The following GALNT5 variants were observed in gnomAD, a reference collection of about 807,000 sequenced individuals.
GALNT5 encodes the protein UDP-GalNAc:polypeptide N-acetylgalactosaminyltransferase 5.
A neutral mutation model predicts 85.4 loss-of-function variants in GALNT5; 72 were observed. The observed-to-expected ratio is 0.84, with a 90% confidence interval of 0.70 to 1.03. The LOEUF (loss-of-function observed/expected upper bound fraction) is 1.03. Ranked by LOEUF, GALNT5 falls within the 50% of genes least tolerant of loss-of-function variation. The pLI, the probability that GALNT5 is intolerant of heterozygous loss-of-function variation, is 0.00. For missense variants in GALNT5, 1,137 were observed against 1,135.5 expected (o/e 1.00, Z -0.02); for synonymous variants, 404 against 397.0 (o/e 1.02, Z -0.21).
At chr2:157,282,234 TTAA>T (rs1682871713) in intron 1 of GALNT5, among the ~76,000 whole-genome samples, 1 of 152,190 alleles carries the variant, frequency 6.6e-6, no homozygotes, top group South Asian at 2.1e-4. Context: ...TTTATTTTTT[TTAA>T]TATTAGCCTC....
At position 157,318,264 on chromosome 2, in the gene GALNT5, G is replaced by T. The variant is rs1683765193; in HGVS notation, c.*6916G>T. On this transcript the variant is annotated 3_prime_UTR_variant, in exon 10 of 10. Coordinates refer to ENST00000259056, the MANE Select transcript of GALNT5 (RefSeq NM_014568.3). ...TGATCCCATGTAAATATGCAGAAAC[G>T]ATTGCTATGAAAATGTCAGCATAGT... is the stretch of plus-strand genomic sequence containing the variant. 1.3e-5 allele frequency among the ~76,000 whole-genome samples: 2 copies of T among 152,012 alleles called. No individual in the cohort carries two copies. The highest frequency in any genetic ancestry group is 2.1e-4 in the South Asian group (1 of 4,826).
At chr2:157,269,653 A>T (rs1346787572) in intron 1 of GALNT5, among the ~76,000 whole-genome samples, 1 of 152,134 alleles carries the variant, frequency 6.6e-6, no homozygotes, top group Non-Finnish European at 1.5e-5. Flanking sequence ...ATATTTGGTG[A>T]TTAGAGGTGT....
At chr2:157,279,429 G>C (rs373340326) in intron 1 of GALNT5, among the ~76,000 whole-genome samples, 10 of 152,270 alleles carry the variant, frequency 6.6e-5, no homozygotes, top group African/African-American at 2.4e-4. Context: ...CCTACTCACA[G>C]AGGTGGAGTC....
intron 1 of GALNT5, among the ~76,000 whole-genome samples, chr2:157,268,483 A>G (rs1682507778): frequency 6.6e-6 from 1 of 152,162 alleles, no homozygotes; most frequent in South Asian, 2.1e-4. Flanking sequence ...AGCTCACAAA[A>G]TATTTTTACA....
chr2:157,301,023 A>G (rs1211179901), intron 7 of GALNT5, 24 bp downstream of exon 7: 2 of 1,519,546 alleles, frequency 1.3e-6, no homozygotes, highest in East Asian at 4.5e-5. Flanking sequence ...GCAATTTAAA[A>G]TCTTACTCCA....
At chr2:157,278,960 C>A (rs1037526631) in intron 1 of GALNT5, among the ~76,000 whole-genome samples, 15 of 152,166 alleles carry the variant, frequency 9.9e-5, no homozygotes, top group African/African-American at 3.4e-4. Flanking sequence ...GTTTTATCTA[C>A]CTTTGGTCTT....
In GALNT5 at chr2:157,313,332, T is replaced by C. The variant is rs560439720; in HGVS notation, c.*1984T>C. On this transcript the variant is annotated 3_prime_UTR_variant, in exon 10 of 10. Coordinates refer to ENST00000259056, the MANE Select transcript of GALNT5 (RefSeq NM_014568.3). The stretch of plus-strand genomic sequence containing the variant: ...AGGGATTCCATATAGCCTAGGTGTG[T>C]AGTAGGCTACCTACACCATCTAGGT... 2 of 152,316 alleles carry C rather than the reference T, an allele frequency of 1.3e-5. No homozygotes were observed. The highest frequency in any genetic ancestry group is 4.1e-4 in the South Asian group (2 of 4,826). 9.4% of individuals were successfully genotyped at this position (152,316 alleles called of 1,614,324 possible). A position where few individuals can be genotyped will look rare whatever the true frequency, so the allele number is the denominator to read the frequency against.
intron 9 of GALNT5, among the ~76,000 whole-genome samples, chr2:157,310,221 C>T (rs1164892998): frequency 6.6e-6 from 1 of 152,202 alleles, no homozygotes; most frequent in South Asian, 2.1e-4. Context: ...ACATTTTACA[C>T]AGCTGCCTTC....
At position 157,315,978 on chromosome 2, in the gene GALNT5, G is replaced by A. The variant is rs1322739617; in HGVS notation, c.*4630G>A. The stretch of plus-strand genomic sequence containing the variant: ...ATTTCATACAGAGGCTTGAGGAGGC[G>A]GTGATTGATATACATAGGGCCCGGG... On this transcript the variant is annotated 3_prime_UTR_variant, in exon 10 of 10. Transcript: ENST00000259056. Among the ~76,000 whole-genome samples the A allele has an allele frequency of 1.3e-5, 2 of 152,050 alleles. No individual in the cohort carries two copies. Among genetic ancestry groups the A allele is most frequent in the Non-Finnish European group, 2.9e-5 (2 of 68,018 alleles).
At chr2:157,273,231 G>A (rs1457814632) in intron 1 of GALNT5, among the ~76,000 whole-genome samples, 4 of 152,008 alleles carry the variant, frequency 2.6e-5, no homozygotes, top group African/African-American at 9.7e-5. Context: ...TTTTGGAGAT[G>A]TTCCCTTTTT....
chr2:157,272,923 A>T (rs907529363), intron 1 of GALNT5, among the ~76,000 whole-genome samples: 1 of 152,202 alleles, frequency 6.6e-6, no homozygotes, highest in Non-Finnish European at 1.5e-5. Flanking sequence ...GTTCTTTGAG[A>T]TACCTCCAAA....
At chr2:157,269,203 G>A (rs532785413) in intron 1 of GALNT5, among the ~76,000 whole-genome samples, 4 of 152,166 alleles carry the variant, frequency 2.6e-5, no homozygotes, top group African/African-American at 9.6e-5. Flanking sequence ...GCTTTGCGGG[G>A]GTTTCCCACT....
At chr2:157,281,051 ATTTC>A (rs113379473) in intron 1 of GALNT5, among the ~76,000 whole-genome samples, 9 of 151,776 alleles carry the variant, frequency 5.9e-5, no homozygotes, top group Admixed American at 2.0e-4. Context: ...AGTCTCAGGT[ATTTC>A]TTTCTTTCTT....
chr2:157,295,625 G>GT lies in GALNT5; in HGVS notation c.1742-37dup, dbSNP rs1159351817. On this transcript the variant is annotated intron_variant, in intron 3 of 9. Transcript: ENST00000259056. ...ATGAAGTACACACATTCAATATATC[G>GT]TATTTTCTAAGTTTTTTGTGTGTGT... 2.6e-6 allele frequency: 4 copies of GT among 1,565,322 alleles called. No individual in the cohort carries two copies. In the African/African-American group the frequency reaches 4.1e-5, roughly 16 times the overall value.
intron 1 of GALNT5, among the ~76,000 whole-genome samples, chr2:157,267,058 G>A (rs16841450): frequency 0.17 from 25,481 of 152,114 alleles, 4,729 homozygotes; most frequent in African/African-American, 0.45. Context: ...ACTTCAAGGC[G>A]TATACAGCAA....
intron 1 of GALNT5, among the ~76,000 whole-genome samples, chr2:157,280,350 C>A (rs1682828829): frequency 6.6e-6 from 1 of 151,982 alleles, no homozygotes; most frequent in Non-Finnish European, 1.5e-5. Flanking sequence ...GAGGTTTCAC[C>A]CAGAGAGACA....
chr2:157,290,084 A>AT (rs1683062281), intron 3 of GALNT5, among the ~76,000 whole-genome samples: 1 of 33,690 alleles, frequency 3.0e-5, no homozygotes, highest in African/African-American at 1.1e-4. Flanking sequence ...AAAAAAAAAA[A>AT]ATGTATATAT....
In GALNT5 at chr2:157,295,673, G is replaced by A. The variant is rs917135393; in HGVS notation, c.1752G>A (p.Leu584=). ...TGTTTGGCCCTCTAGGTGATGTGTT[G>A]ACATTTTTAGATTCTCATGTGGAAT... is the stretch of plus-strand genomic sequence containing the variant. ...AGAQNATGDV[L]TFLDSHVECN... is the part of the protein sequence containing the mutation. Residue 584 remains leucine, a synonymous_variant, in exon 4 of 10, where the codon TTG becomes TTA. Transcript: ENST00000259056. The A allele has an allele frequency of 1.9e-6, 3 of 1,612,696 alleles. No individual in the cohort carries two copies. The highest frequency in any genetic ancestry group is 1.7e-6 in the Non-Finnish European group (2 of 1,179,250).
chr2:157,301,718 T>C (rs1363668185), intron 7 of GALNT5: 1 of 152,336 alleles, frequency 6.6e-6, no homozygotes, highest in Non-Finnish European at 1.5e-5. Flanking sequence ...TTCTTTCTTC[T>C]GAAAGCAGTG....
Sources: allele counts gnomAD v4.1 joint callset (sites outside exome capture counted in the v4.1 genomes callset), GRCh38; gene constraint gnomAD v4.1.1; transcripts MANE v1.5; gene names NCBI Gene and HGNC (gene_info 2026-07-23, HGNC 2026-07-21).